The following ARHGEF7 variants were observed in gnomAD, a reference collection of about 807,000 sequenced individuals.
ARHGEF7 encodes the protein PAK-interacting exchange factor beta.
A neutral mutation model predicts 109.8 loss-of-function variants in ARHGEF7; 33 were observed. The ratio of observed to expected loss-of-function variants is 0.30; its 90% CI spans 0.23 to 0.40. The LOEUF (loss-of-function observed/expected upper bound fraction) is 0.40, where lower values mean the gene tolerates loss of function less well. Ranked by LOEUF, ARHGEF7 falls within the 10% of genes least tolerant of loss-of-function variation. The pLI is 1.00. For synonymous variants in ARHGEF7, 458 were observed against 424.6 expected (o/e 1.08, Z -0.97); for missense variants, 938 against 1,098.5 (o/e 0.85, Z 2.07).
intron 5 of ARHGEF7, among the ~76,000 whole-genome samples, chr13:111,220,338 G>GTCT (rs1205853981): frequency 1.3e-5 from 2 of 152,168 alleles, no homozygotes. Context: ...TGTTCCAGCT[G>GTCT]GTCTTTCTGA....
At chr13:111,184,123 T>G (rs2079020087) in intron 2 of ARHGEF7, among the ~76,000 whole-genome samples, 1 of 152,136 alleles carries the variant, frequency 6.6e-6, no homozygotes, top group African/African-American at 2.4e-5. Flanking sequence ...GATCGTGAAT[T>G]AGTTCTCACG....
chr13:111,160,181 C>T (rs2076635883), intron 2 of ARHGEF7, among the ~76,000 whole-genome samples: 1 of 152,186 alleles, frequency 6.6e-6, no homozygotes, highest in African/African-American at 2.4e-5. Flanking sequence ...GTTTAATTCT[C>T]AGCTCTCTAT....
intron 2 of ARHGEF7, among the ~76,000 whole-genome samples, chr13:111,204,337 G>C (rs12430033): frequency 0.053 from 8,034 of 152,244 alleles, 351 homozygotes; most frequent in Admixed American, 0.15. Context: ...CAGGATACAC[G>C]TTTTGGTTTT....
intron 5 of ARHGEF7, among the ~76,000 whole-genome samples, chr13:111,221,227 C>CTA (rs1220730639): frequency 1.9e-5 from 1 of 51,702 alleles, no homozygotes; most frequent in Non-Finnish European, 3.6e-5. Context: ...CTATATATAT[C>CTA]TATATAGATA....
chr13:111,246,370 C>A (rs548595275), intron 8 of ARHGEF7, among the ~76,000 whole-genome samples: 2 of 152,134 alleles, frequency 1.3e-5, no homozygotes, highest in South Asian at 4.1e-4. Flanking sequence ...AGGTTTTGAA[C>A]GTGGTGAGGG....
intron 6 of ARHGEF7, among the ~76,000 whole-genome samples, chr13:111,235,876 T>C (rs2086736273): frequency 6.6e-6 from 1 of 152,200 alleles, no homozygotes; most frequent in Admixed American, 6.5e-5. Context: ...GAAAACTTAC[T>C]AAAGGGTAAG....
At chr13:111,233,746 G>A (rs892457014) in intron 6 of ARHGEF7, among the ~76,000 whole-genome samples, 1 of 152,128 alleles carries the variant, frequency 6.6e-6, no homozygotes, top group African/African-American at 2.4e-5. Context: ...ATATCACATG[G>A]CGTAGAATTA....
In ARHGEF7 at chr13:111,303,309, G is replaced by C. The variant is rs1335218372; in HGVS notation, c.*196G>C. The C allele has an allele frequency of 2.1e-6, 1 of 477,808 alleles. No individual in the cohort carries two copies. The highest frequency in any genetic ancestry group is 3.6e-6 in the Non-Finnish European group (1 of 275,306). 29.6% of individuals were successfully genotyped at this position (477,808 alleles called of 1,614,324 possible). On this transcript the variant is annotated 3_prime_UTR_variant, in exon 22 of 22. Transcript: ENST00000646102. ...ATGACTGATGAATCCAGACAGGAGG[G>C]ATTGACTCTGAGGACCTGAGCTACA...
At chr13:111,157,018 A>G (rs1014501783) in intron 2 of ARHGEF7, among the ~76,000 whole-genome samples, 1 of 152,214 alleles carries the variant, frequency 6.6e-6, no homozygotes, top group African/African-American at 2.4e-5. Context: ...AACTTGGTTA[A>G]TATGTCAGCT....
At position 111,288,307 on chromosome 13, in the gene ARHGEF7, T is replaced by C. The variant is rs536942775; in HGVS notation, c.2045-47T>C. ...ATTGCATTCGTCTCGCCAGTTGCCC[T>C]AGAGGCCTTTCAGTTCGACTGTGAA... On this transcript the variant is annotated intron_variant, in intron 17 of 21. Transcript: ENST00000646102. 2.0e-5 allele frequency: 28 copies of C among 1,397,252 alleles called. No individual in the cohort carries two copies. In the South Asian group the frequency reaches 3.2e-4, roughly 16 times the overall value. The allele number at this position is 1,397,252 out of a possible 1,614,324, so 86.6% of individuals were successfully genotyped here. A position where few individuals can be genotyped will look rare whatever the true frequency, so the allele number is the denominator to read the frequency against.
intron 5 of ARHGEF7, among the ~76,000 whole-genome samples, chr13:111,226,516 A>C (rs1321615307): frequency 6.6e-6 from 1 of 152,220 alleles, no homozygotes; most frequent in African/African-American, 2.4e-5. Flanking sequence ...AAGTTAGAAC[A>C]ACAAAGCCTG....
intron 5 of ARHGEF7, among the ~76,000 whole-genome samples, chr13:111,225,171 C>T (rs769850541): frequency 2.6e-5 from 4 of 152,174 alleles, no homozygotes; most frequent in Admixed American, 1.3e-4. Context: ...TTCAGGAGCA[C>T]GTCCCATAGA....
chr13:111,235,635 A>G lies in ARHGEF7; in HGVS notation c.759+2342A>G, dbSNP rs147064158. ...GTAGTACTCTCATTTTACAGCAGAG[A>G]AAACAGAAGCTAAATGCCTTGTCCA... On this transcript the variant is annotated intron_variant, in intron 6 of 21. Coordinates refer to ENST00000646102, the MANE Select transcript of ARHGEF7 (RefSeq NM_001354046.2). Among the ~76,000 whole-genome samples the G allele has an allele frequency of 2.0e-4, 31 of 152,396 alleles. No individual in the cohort carries two copies. In the East Asian group the frequency reaches 6.0e-3, roughly 29 times the overall value.
intron 1 of ARHGEF7, among the ~76,000 whole-genome samples, chr13:111,132,965 T>A (rs558860890): frequency 1.4e-3 from 218 of 152,190 alleles, no homozygotes; most frequent in African/African-American, 5.1e-3. Context: ...TATACACACA[T>A]GCATCTGTAC....
intron 8 of ARHGEF7, among the ~76,000 whole-genome samples, chr13:111,263,709 A>G (rs1473474248): frequency 6.6e-6 from 1 of 152,176 alleles, no homozygotes; most frequent in Admixed American, 6.5e-5. Flanking sequence ...GTCATTCTAG[A>G]AGCCCGCCTC....
intron 2 of ARHGEF7, among the ~76,000 whole-genome samples, chr13:111,197,665 A>G (rs1480775318): frequency 1.3e-5 from 2 of 152,174 alleles, no homozygotes; most frequent in Non-Finnish European, 2.9e-5. Context: ...GAGGCTCCCC[A>G]TATCCTAGCT....
chr13:111,184,341 C>T (rs1183916257), intron 2 of ARHGEF7, among the ~76,000 whole-genome samples: 1 of 152,190 alleles, frequency 6.6e-6, no homozygotes, highest in Admixed American at 6.5e-5. Flanking sequence ...CGGACTAATA[C>T]AGATGGTTAT....
At chr13:111,236,104 C>T (rs1199757265) in intron 6 of ARHGEF7, among the ~76,000 whole-genome samples, 3 of 152,260 alleles carry the variant, frequency 2.0e-5, no homozygotes, top group South Asian at 4.1e-4. Flanking sequence ...AAGTAAAACT[C>T]GTAGTAATTT....
chr13:111,232,535 A>G (rs2086234014), intron 5 of ARHGEF7, among the ~76,000 whole-genome samples: 1 of 152,222 alleles, frequency 6.6e-6, no homozygotes, highest in Admixed American at 6.5e-5. Context: ...GTGTTTCTTC[A>G]GCACCTGTTA....
Sources: allele counts gnomAD v4.1 joint callset (sites outside exome capture counted in the v4.1 genomes callset), GRCh38; gene constraint gnomAD v4.1.1; transcripts MANE v1.5; gene names NCBI Gene and HGNC (gene_info 2026-07-23, HGNC 2026-07-21).